TTC23: variants seen among roughly 807,000 people sequenced by gnomAD.
TTC23 encodes the protein tetratricopeptide repeat domain 23.
A neutral mutation model predicts 55.1 loss-of-function variants in TTC23; 58 were observed. That is an observed-to-expected ratio of 1.05 (90% CI 0.85 to 1.31). TTC23 has a LOEUF of 1.31. TTC23 is among the 50% of genes most tolerant of loss of function. The pLI is 0.00. For missense variants in TTC23, 516 were observed against 534.4 expected (o/e 0.97, Z 0.34); for synonymous variants, 203 against 199.9 (o/e 1.02, Z -0.13).
chr15:99,203,615 A>G (rs1184401515), intron 8 of TTC23, among the ~76,000 whole-genome samples: 4 of 151,436 alleles, frequency 2.6e-5, no homozygotes. Context: ...TCCCCTCTTC[A>G]TCTCCCACTC....
chr15:99,240,707 T>C (rs1223017863), intron 3 of TTC23, among the ~76,000 whole-genome samples: 1 of 152,334 alleles, frequency 6.6e-6, no homozygotes, highest in East Asian at 1.9e-4. Context: ...CATTTCTCTC[T>C]TTCAAAGTGA....
At position 99,245,450 on chromosome 15, in the gene TTC23, G is replaced by T. The variant is rs2152103646; in HGVS notation, c.-370C>A. The T allele has an allele frequency of 6.6e-6, 1 of 151,578 alleles. No homozygotes were observed. Among genetic ancestry groups the T allele is most frequent in the South Asian group, 2.1e-4 (1 of 4,810 alleles). The allele number at this position is 151,578 out of a possible 1,614,324, so 9.4% of individuals were successfully genotyped here. A position where few individuals can be genotyped will look rare whatever the true frequency, so the allele number is the denominator to read the frequency against. ...AATCGCTTGAACCTGGGAGGCAGAGGTTGCAGTGAGCCAAGATCACACCAC... is the reference window on the plus strand; with the variant it reads ...AATCGCTTGAACCTGGGAGGCAGAGTTTGCAGTGAGCCAAGATCACACCAC... On this transcript the variant is annotated 5_prime_UTR_variant, in exon 2 of 14. Transcript: ENST00000394132.
intron 9 of TTC23, among the ~76,000 whole-genome samples, chr15:99,188,897 T>C (rs1006700662): frequency 6.6e-6 from 1 of 152,078 alleles, no homozygotes; most frequent in African/African-American, 2.4e-5. Flanking sequence ...TAAAAGGCAA[T>C]TTGGCAACGT....
intron 6 of TTC23, among the ~76,000 whole-genome samples, chr15:99,220,301 T>C (rs1476390502): frequency 6.6e-6 from 1 of 152,234 alleles, no homozygotes; most frequent in Non-Finnish European, 1.5e-5. Context: ...ACAACATGCC[T>C]GGCACCAAAT....
intron 3 of TTC23, among the ~76,000 whole-genome samples, chr15:99,238,885 C>CTT (rs71287827): frequency 6.6e-6 from 1 of 152,032 alleles, no homozygotes; most frequent in African/African-American, 2.4e-5. Flanking sequence ...CTTTTCCAGT[C>CTT]TTTTTTTGAC....
At chr15:99,202,360 G>C (rs938133652) in intron 8 of TTC23, among the ~76,000 whole-genome samples, 2 of 152,112 alleles carry the variant, frequency 1.3e-5, no homozygotes, top group Admixed American at 1.3e-4. Context: ...TGGATCCTTT[G>C]TTTCCCAGAC....
chr15:99,166,044 G>A (rs568669057), intron 10 of TTC23, among the ~76,000 whole-genome samples: 32 of 152,258 alleles, frequency 2.1e-4, no homozygotes, highest in African/African-American at 7.0e-4. Context: ...TTGTGCTTGC[G>A]GTGAAGACCT....
intron 13 of TTC23, among the ~76,000 whole-genome samples, chr15:99,138,575 G>A (rs1555488361): frequency 6.6e-6 from 1 of 152,162 alleles, no homozygotes; most frequent in African/African-American, 2.4e-5. Flanking sequence ...GGCCTCCCAA[G>A]GTGCTGGGAT....
At chr15:99,220,153 A>G (rs1016786311) in intron 6 of TTC23, among the ~76,000 whole-genome samples, 3 of 152,214 alleles carry the variant, frequency 2.0e-5, no homozygotes, top group African/African-American at 7.2e-5. Context: ...CTCTGAAGTC[A>G]GACTGCCCAG....
intron 11 of TTC23, chr15:99,157,976 T>C (rs891889153): frequency 6.6e-6 from 1 of 152,006 alleles, no homozygotes; most frequent in African/African-American, 2.4e-5. Context: ...CCCAAAGGGG[T>C]CCCAAAAGTG....
At chr15:99,194,495 A>G (rs1202796421) in intron 9 of TTC23, among the ~76,000 whole-genome samples, 3 of 151,790 alleles carry the variant, frequency 2.0e-5, no homozygotes. Context: ...AAGGCAATAC[A>G]ATGAAGAAAA....
chr15:99,209,696 G>C (rs1179984453), intron 8 of TTC23, among the ~76,000 whole-genome samples: 1 of 152,122 alleles, frequency 6.6e-6, no homozygotes, highest in Non-Finnish European at 1.5e-5. Flanking sequence ...GACACAGAAG[G>C]TGGTCAATAA....
chr15:99,182,319 T>G (rs1175053523), intron 9 of TTC23, among the ~76,000 whole-genome samples: 1 of 150,298 alleles, frequency 6.7e-6, no homozygotes. Context: ...GTGCCGCTCT[T>G]AGCTTCATCT....
chr15:99,205,449 CTCT>C (rs1429594206), intron 8 of TTC23, among the ~76,000 whole-genome samples: 4 of 151,938 alleles, frequency 2.6e-5, no homozygotes, highest in Non-Finnish European at 5.9e-5. Context: ...TTTGCATGTC[CTCT>C]TCATTTTCTG....
intron 3 of TTC23, among the ~76,000 whole-genome samples, chr15:99,236,085 A>G (rs2079295546): frequency 6.6e-6 from 1 of 152,214 alleles, no homozygotes; most frequent in Non-Finnish European, 1.5e-5. Context: ...TGTGAATAAT[A>G]CTGCTATTGA....
chr15:99,188,478 A>T (rs539383771), intron 9 of TTC23, among the ~76,000 whole-genome samples: 42 of 152,220 alleles, frequency 2.8e-4, no homozygotes, highest in African/African-American at 9.9e-4. Flanking sequence ...TTTGTGGTAT[A>T]CAAATTTTCT....
At chr15:99,243,001 G>T (rs1033247188) in intron 2 of TTC23, among the ~76,000 whole-genome samples, 6 of 152,096 alleles carry the variant, frequency 3.9e-5, no homozygotes, top group Admixed American at 1.3e-4. Flanking sequence ...GGACAAATGG[G>T]ATCACATCAA....
chr15:99,161,390 C>A (rs944253329), intron 11 of TTC23, among the ~76,000 whole-genome samples: 1 of 152,166 alleles, frequency 6.6e-6, no homozygotes, highest in African/African-American at 2.4e-5. Context: ...CTTAGACATG[C>A]AAACTCCATT....
chr15:99,219,243 T>A (rs895960900), intron 6 of TTC23, among the ~76,000 whole-genome samples, 195 bp from the exon 7 acceptor site: 1 of 152,196 alleles, frequency 6.6e-6, no homozygotes, highest in Non-Finnish European at 1.5e-5. Flanking sequence ...GTACCCAAGA[T>A]AAATTTTCCC....
Sources: allele counts gnomAD v4.1 joint callset (sites outside exome capture counted in the v4.1 genomes callset), GRCh38; gene constraint gnomAD v4.1.1; transcripts MANE v1.5; gene names NCBI Gene and HGNC (gene_info 2026-07-23, HGNC 2026-07-21).